KLF8: variants seen among roughly 807,000 people sequenced by gnomAD.
The protein encoded by KLF8 is Krueppel-like factor 8.
In KLF8, 10 loss-of-function variants were observed where a neutral mutation model predicts 18.2. The observed-to-expected ratio is 0.55, with a 90% CI of 0.34 to 0.93. The LOEUF (loss-of-function observed/expected upper bound fraction) is 0.93. KLF8 is among the 40% of genes least tolerant of loss of function. The pLI, the probability that KLF8 is intolerant of heterozygous loss-of-function variation, is 0.02. For missense variants in KLF8, 264 were observed against 277.9 expected, an observed-to-expected ratio of 0.95 and a Z score of 0.36; for synonymous variants, 109 against 97.3, an observed-to-expected ratio of 1.12 and a Z score of -0.71.
chrX:56,197,147 G>T, the KLF8 span, among the ~76,000 whole-genome samples: 1 of 111,404 alleles, frequency 9.0e-6, no homozygotes, highest in Non-Finnish European at 1.9e-5. Context: ...AAGCAGGAAA[G>T]ATCTAAATTT....
the KLF8 span, among the ~76,000 whole-genome samples, chrX:56,146,646 G>T: frequency 9.2e-6 from 1 of 108,392 alleles, no homozygotes; most frequent in African/African-American, 3.4e-5. Flanking sequence ...AAACCACCAT[G>T]GCATGTGTAT....
the KLF8 span, among the ~76,000 whole-genome samples, chrX:56,161,701 C>T: frequency 9.0e-5 from 10 of 111,351 alleles, no homozygotes; most frequent in African/African-American, 2.0e-4. Flanking sequence ...GACTTCTTCA[C>T]GCCATGGGTT....
At chrX:56,153,775 G>C in the KLF8 span, among the ~76,000 whole-genome samples, 1 of 111,019 alleles carries the variant, frequency 9.0e-6, no homozygotes, top group African/African-American at 3.3e-5. Flanking sequence ...AAGCACTTCT[G>C]TACACCAATA....
chrX:55,919,117 C>T, the KLF8 span, among the ~76,000 whole-genome samples: 1 of 111,860 alleles, frequency 8.9e-6, no homozygotes, highest in Non-Finnish European at 1.9e-5. Context: ...ACTTCATCTG[C>T]GTAAGGAAGG....
chrX:56,101,267 C>G, the KLF8 span, among the ~76,000 whole-genome samples: 1 of 111,726 alleles, frequency 9.0e-6, no homozygotes, highest in Non-Finnish European at 1.9e-5. Context: ...TGATAGCTTT[C>G]AGCTGCATCC....
the KLF8 span, among the ~76,000 whole-genome samples, chrX:55,960,230 T>C: frequency 8.9e-6 from 1 of 112,325 alleles, no homozygotes; most frequent in Admixed American, 9.4e-5. Context: ...TCTGAAGAAG[T>C]CCTTGGCTGG....
At chrX:56,283,405 G>A (rs1198049696) in intron 5 of KLF8, among the ~76,000 whole-genome samples, 2 of 110,962 alleles carry the variant, frequency 1.8e-5, no homozygotes, top group African/African-American at 3.3e-5. Flanking sequence ...GACAGGTCTC[G>A]CTCTCTCCTA....
At chrX:56,162,800 CAG>C in the KLF8 span, among the ~76,000 whole-genome samples, 1 of 111,282 alleles carries the variant, frequency 9.0e-6, no homozygotes, top group Non-Finnish European at 1.9e-5. Flanking sequence ...TGACACTCCT[CAG>C]TGAGATGAAC....
the KLF8 span, among the ~76,000 whole-genome samples, chrX:56,017,054 A>C: frequency 1.8e-5 from 2 of 111,991 alleles, no homozygotes; most frequent in African/African-American, 3.2e-5. Context: ...AAAATAAGAG[A>C]GGTTGTTTCT....
chrX:56,098,721 G>T, the KLF8 span, among the ~76,000 whole-genome samples: 2 of 111,204 alleles, frequency 1.8e-5, no homozygotes, highest in Non-Finnish European at 1.9e-5. Flanking sequence ...CATAGCATTG[G>T]AAGTCGTAGC....
chrX:56,163,468 G>A, the KLF8 span, among the ~76,000 whole-genome samples: 14 of 109,589 alleles, frequency 1.3e-4, no homozygotes, highest in Non-Finnish European at 2.5e-4. Context: ...CACATTTTTT[G>A]CATTCCTTAT....
chrX:55,944,227 G>T, the KLF8 span, among the ~76,000 whole-genome samples: 1 of 108,733 alleles, frequency 9.2e-6, no homozygotes, highest in Non-Finnish European at 1.9e-5. Flanking sequence ...GCTGGATTCG[G>T]TTTGCCAGTA....
At chrX:55,941,731 G>T in the KLF8 span, among the ~76,000 whole-genome samples, 1 of 112,139 alleles carries the variant, frequency 8.9e-6, no homozygotes, top group Non-Finnish European at 1.9e-5. Flanking sequence ...CTTCTCAAAA[G>T]AAGACATTTA....
chrX:56,043,596 C>T, the KLF8 span, among the ~76,000 whole-genome samples: 1 of 111,592 alleles, frequency 9.0e-6, no homozygotes, highest in African/African-American at 3.3e-5. Context: ...CTTTTCTCTG[C>T]TTTTTCTATT....
At chrX:56,074,135 GGTCT>G in the KLF8 span, among the ~76,000 whole-genome samples, 1 of 111,197 alleles carries the variant, frequency 9.0e-6, no homozygotes, top group African/African-American at 3.3e-5. Context: ...GCCTATTATT[GGTCT>G]GTCTTTTTGT....
the KLF8 span, among the ~76,000 whole-genome samples, chrX:56,110,596 A>G: frequency 3.6e-5 from 4 of 111,262 alleles, no homozygotes; most frequent in East Asian, 1.1e-3. Context: ...ATTCCCTTCT[A>G]ATTTTGTTTC....
At chrX:55,998,828 G>A in the KLF8 span, among the ~76,000 whole-genome samples, 10 of 66,849 alleles carry the variant, frequency 1.5e-4, no homozygotes, top group Non-Finnish European at 2.6e-4. Flanking sequence ...TTTTTTTTTA[G>A]CAGAAGCTTT....
At chrX:56,107,829 G>A in the KLF8 span, among the ~76,000 whole-genome samples, 9 of 111,475 alleles carry the variant, frequency 8.1e-5, no homozygotes, top group Non-Finnish European at 1.5e-4. Flanking sequence ...CTGCAGACCC[G>A]AGCTGATCCT....
the KLF8 span, among the ~76,000 whole-genome samples, chrX:55,938,560 A>T: frequency 9.0e-6 from 1 of 111,591 alleles, no homozygotes. Flanking sequence ...AAATGCTCCA[A>T]TTAAAAGACA....
Sources: allele counts gnomAD v4.1 joint callset (sites outside exome capture counted in the v4.1 genomes callset), GRCh38; gene constraint gnomAD v4.1.1; transcripts MANE v1.5; gene names NCBI Gene and HGNC (gene_info 2026-07-23, HGNC 2026-07-21).